TNNI3K: variants seen among roughly 807,000 people sequenced by gnomAD.
The protein encoded by TNNI3K is serine/threonine-protein kinase TNNI3K.
TNNI3K carries 140 observed loss-of-function variants against 114.5 expected under a neutral mutation model. The ratio of observed to expected loss-of-function variants is 1.22; its 90% CI spans 1.07 to 1.41. The LOEUF (loss-of-function observed/expected upper bound fraction) is 1.41. Among genes scored for constraint, TNNI3K ranks in the 40% most tolerant of loss-of-function variants. The probability of loss-of-function intolerance (pLI) is 0.00; values close to 1 mark genes in which losing one functional copy is unlikely to be tolerated. For missense variants in TNNI3K, 1,125 were observed against 1,007.6 expected (o/e 1.12, Z -1.58); for synonymous variants, 347 against 347.5 (o/e 1.00, Z 0.02).
chr1:74,377,897 A>G (rs937925970), intron 17 of TNNI3K, among the ~76,000 whole-genome samples: 2 of 152,030 alleles, frequency 1.3e-5, no homozygotes, highest in Non-Finnish European at 2.9e-5. Context: ...TTAATTCACT[A>G]TTATATCAAT....
chr1:74,407,038 A>G (rs768176664), intron 17 of TNNI3K, among the ~76,000 whole-genome samples: 1 of 152,166 alleles, frequency 6.6e-6, no homozygotes, highest in African/African-American at 2.4e-5. Flanking sequence ...TCTGTTGTCA[A>G]TTTGAGCTAT....
intron 23 of TNNI3K, among the ~76,000 whole-genome samples, chr1:74,531,164 G>A (rs1646577440): frequency 6.6e-6 from 1 of 152,132 alleles, no homozygotes; most frequent in South Asian, 2.1e-4. Context: ...ATTCCTGAAA[G>A]AGATATTTTG....
rs113999586 is a variant in TNNI3K, at chr1:74,527,204, C to T, written c.2352-13030C>T. ...GGTGCTGTGTGAAGTGCCAGGCACA[C>T]GGAGACTCATAAGGCTCATCCTTGA... On this transcript the variant is annotated intron_variant, in intron 23 of 24. Coordinates refer to ENST00000326637, the MANE Select transcript of TNNI3K (RefSeq NM_015978.3). Among the ~76,000 whole-genome samples, 325 of 152,184 alleles carry T rather than the reference C, an allele frequency of 2.1e-3. 4 individuals are homozygous for T. The highest frequency in any genetic ancestry group is 7.0e-3 in the African/African-American group (291 of 41,520).
At chr1:74,341,706 T>C (rs1417003368) in intron 7 of TNNI3K, 1 of 152,164 alleles carries the variant, frequency 6.6e-6, no homozygotes, top group Non-Finnish European at 1.5e-5. Context: ...ATTCTCACAG[T>C]GAGGAACAAC....
chr1:74,330,192 G>T (rs764383134), intron 5 of TNNI3K, among the ~76,000 whole-genome samples: 2 of 152,016 alleles, frequency 1.3e-5, no homozygotes, highest in Admixed American at 6.6e-5. Flanking sequence ...CTACTTTGGC[G>T]TATTGATTAT....
At chr1:74,442,824 C>T (rs899465146) in intron 20 of TNNI3K, among the ~76,000 whole-genome samples, 2 of 151,646 alleles carry the variant, frequency 1.3e-5, no homozygotes, top group African/African-American at 2.4e-5. Context: ...TCTATGGCCA[C>T]GGCACAATCA....
chr1:74,242,440 T>C (rs950159770), intron 2 of TNNI3K, among the ~76,000 whole-genome samples: 1 of 152,104 alleles, frequency 6.6e-6, no homozygotes, highest in African/African-American at 2.4e-5. Flanking sequence ...AAACAAAATA[T>C]CTTCTAAAAT....
At position 74,431,021 on chromosome 1, in the gene TNNI3K, A is replaced by C. The variant is rs539963074; in HGVS notation, c.1773-5059A>C. Among the ~76,000 whole-genome samples the C allele has an allele frequency of 1.5e-4, 23 of 152,252 alleles. No individual in the cohort carries two copies. The East Asian group carries it at 4.3e-3, about 28-fold the overall frequency. Reference sequence around the variant, plus strand: ...ATGTATACAGCTTTATTGTTTACAAAAGTGCATTTGCACTTAAGTTGTACA... The same window carrying C: ...ATGTATACAGCTTTATTGTTTACAACAGTGCATTTGCACTTAAGTTGTACA... On this transcript the variant is annotated intron_variant, in intron 17 of 24. Coordinates refer to ENST00000326637, the MANE Select transcript of TNNI3K (RefSeq NM_015978.3).
intron 21 of TNNI3K, among the ~76,000 whole-genome samples, chr1:74,475,116 CCACACACACACACA>C (rs3058791): frequency 2.4e-4 from 32 of 135,992 alleles, no homozygotes; most frequent in South Asian, 1.0e-3. Flanking sequence ...CCACCTCAGC[CCACACACACACACA>C]CACACACACA....
intron 17 of TNNI3K, among the ~76,000 whole-genome samples, chr1:74,425,332 T>C (rs539215651): frequency 7.2e-5 from 11 of 152,212 alleles, no homozygotes; most frequent in Non-Finnish European, 1.2e-4. Context: ...AAATGTTGAA[T>C]ATATAGAAAA....
intron 20 of TNNI3K, among the ~76,000 whole-genome samples, chr1:74,462,794 T>G (rs1383991326): frequency 6.6e-6 from 1 of 152,164 alleles, no homozygotes; most frequent in Non-Finnish European, 1.5e-5. Flanking sequence ...GATGCAGACT[T>G]TGAGATGAGC....
intron 19 of TNNI3K, among the ~76,000 whole-genome samples, chr1:74,438,897 A>C (rs1462459072): frequency 1.3e-5 from 2 of 152,144 alleles, no homozygotes; most frequent in African/African-American, 4.8e-5. Flanking sequence ...AAAGTAAGAC[A>C]GACCTGATCC....
intron 7 of TNNI3K, among the ~76,000 whole-genome samples, chr1:74,337,806 G>T (rs971643544): frequency 3.3e-5 from 5 of 151,956 alleles, no homozygotes; most frequent in Admixed American, 6.6e-5. Flanking sequence ...CTTGAAGTTT[G>T]TATAATTTTG....
intron 5 of TNNI3K, among the ~76,000 whole-genome samples, chr1:74,307,351 G>T (rs2100340183): frequency 6.6e-6 from 1 of 152,198 alleles, no homozygotes; most frequent in Non-Finnish European, 1.5e-5. Flanking sequence ...TAAAAATCGA[G>T]ACCCAACTTT....
intron 4 of TNNI3K, among the ~76,000 whole-genome samples, chr1:74,257,811 G>A (rs897551375): frequency 5.9e-5 from 9 of 151,816 alleles, no homozygotes; most frequent in African/African-American, 1.2e-4. Context: ...GGGGCTACAG[G>A]CGCCCGCCAC....
chr1:74,331,480 A>C lies in TNNI3K; in HGVS notation c.475A>C (p.Asn159His). ...AADVLLQHGA[N>H]VNIQDAVFFT... ...TGATGTGCTGTTGCAACATGGAGCT[A>C]ATGTCAATATTCAAGATGCAGTTTT... is the stretch of plus-strand genomic sequence containing the variant. The change falls in exon 6 of 25, where the codon AAT becomes CAT. Residue 159 changes from asparagine to histidine, a missense_variant. By Grantham distance (68) the Asn-to-His change is moderately conservative. Coordinates refer to ENST00000326637, the MANE Select transcript of TNNI3K (RefSeq NM_015978.3). 6 of 1,613,774 alleles carry C rather than the reference A, an allele frequency of 3.7e-6. No individual in the cohort carries two copies. The highest frequency in any genetic ancestry group is 5.1e-6 in the Non-Finnish European group (6 of 1,179,886).
chr1:74,244,300 A>G (rs1262363549), intron 2 of TNNI3K, among the ~76,000 whole-genome samples: 1 of 152,122 alleles, frequency 6.6e-6, no homozygotes, highest in African/African-American at 2.4e-5. Flanking sequence ...CAAGGAGGAT[A>G]TAATTCAAGA....
chr1:74,304,702 C>T (rs1023412597), intron 5 of TNNI3K, among the ~76,000 whole-genome samples: 3 of 152,100 alleles, frequency 2.0e-5, no homozygotes, highest in Non-Finnish European at 4.4e-5. Flanking sequence ...GCTCCAATCT[C>T]CCAAAATGCT....
intron 17 of TNNI3K, among the ~76,000 whole-genome samples, chr1:74,388,983 A>G (rs1374917817): frequency 6.6e-6 from 1 of 152,226 alleles, no homozygotes; most frequent in East Asian, 1.9e-4. Flanking sequence ...CAAATATGTA[A>G]CCATCCTCAA....
Sources: gnomAD v4.1 joint callset for allele counts (sites outside exome capture counted in the v4.1 genomes callset) on GRCh38, gnomAD v4.1.1 for gene constraint, MANE v1.5 for transcripts, NCBI Gene and HGNC (gene_info 2026-07-23, HGNC 2026-07-21) for gene names.